DPP10: variants seen among roughly 807,000 people sequenced by gnomAD.
The protein encoded by DPP10 is dipeptidyl peptidase like 10.
Under a neutral mutation model 120.9 loss-of-function variants are expected in DPP10, and 33 were observed. The ratio of observed to expected loss-of-function variants is 0.27; its 90% CI spans 0.21 to 0.37. The LOEUF (loss-of-function observed/expected upper bound fraction) is 0.37, where lower values mean the gene tolerates loss of function less well. Among genes scored for constraint, DPP10 ranks in the 10% least tolerant of loss-of-function variants. DPP10 has a pLI of 1.00. For missense variants in DPP10, 816 were observed against 942.8 expected (o/e 0.87, Z 1.76); for synonymous variants, 337 against 326.1 (o/e 1.03, Z -0.36).
intron 21 of DPP10, among the ~76,000 whole-genome samples, chr2:115,817,026 A>T (rs1218176022): frequency 1.3e-5 from 2 of 151,168 alleles, no homozygotes; most frequent in African/African-American, 4.8e-5. Context: ...AGGCGGGAGG[A>T]TCATGAGGTC....
chr2:114,930,864 T>G (rs1696017563), intron 1 of DPP10, among the ~76,000 whole-genome samples: 1 of 152,126 alleles, frequency 6.6e-6, no homozygotes, highest in African/African-American at 2.4e-5. Flanking sequence ...CAACTGGCCC[T>G]CATGGGAACT....
rs191848962 is a variant in DPP10, at chr2:115,531,804, G to C, written c.441+5832G>C. Among the ~76,000 whole-genome samples the C allele has an allele frequency of 2.0e-5, 3 of 152,152 alleles. No individual in the cohort carries two copies. In the East Asian group the frequency reaches 5.8e-4, roughly 29 times the overall value. Reference sequence around the variant, plus strand: ...TTGCTGTTCTCCATTCTGTTACTACGAGCCACAAGGGAGAACACTGTCTAC... The same window carrying C: ...TTGCTGTTCTCCATTCTGTTACTACCAGCCACAAGGGAGAACACTGTCTAC... On this transcript the variant is annotated intron_variant, in intron 5 of 25. Coordinates refer to ENST00000410059, the MANE Select transcript of DPP10 (RefSeq NM_020868.6).
In DPP10 at chr2:115,144,600, G is replaced by T. The variant is rs375863614; in HGVS notation, c.61-164639G>T. Among the ~76,000 whole-genome samples, 17 of 143,844 alleles carry T rather than the reference G, an allele frequency of 1.2e-4. No homozygotes were observed. In the Admixed American group the frequency reaches 1.2e-3, roughly 10 times the overall value. The allele number at this position is 143,844 out of a possible 152,430, so 94.4% of individuals were successfully genotyped here. On this transcript the variant is annotated intron_variant, in intron 1 of 25. Coordinates refer to ENST00000410059, the MANE Select transcript of DPP10 (RefSeq NM_020868.6). ...TAAAACCTTTCCTCTTCACTCATAGGTGGGAATTGAACAATGAGAACACAT... is the reference window on the plus strand; with the variant it reads ...TAAAACCTTTCCTCTTCACTCATAGTTGGGAATTGAACAATGAGAACACAT...
chr2:115,414,908 G>C (rs1319063472), intron 3 of DPP10, among the ~76,000 whole-genome samples: 4 of 152,136 alleles, frequency 2.6e-5, no homozygotes, highest in Admixed American at 2.0e-4. Context: ...AAGCACTACT[G>C]TTGACCCCAA....
chr2:115,431,525 G>C (rs2070982256), intron 3 of DPP10, among the ~76,000 whole-genome samples: 1 of 152,040 alleles, frequency 6.6e-6, no homozygotes, highest in Non-Finnish European at 1.5e-5. Flanking sequence ...ACAGCATTCT[G>C]CCTAAAGCCA....
rs1444930636 is a variant in DPP10, at chr2:114,636,100, A to C, written c.60+193262A>C. Among the ~76,000 whole-genome samples the C allele has an allele frequency of 2.0e-5, 3 of 151,960 alleles. No individual in the cohort carries two copies. The East Asian group carries it at 5.8e-4, about 29-fold the overall frequency. On this transcript the variant is annotated intron_variant, in intron 1 of 25. Coordinates refer to ENST00000410059, the MANE Select transcript of DPP10 (RefSeq NM_020868.6). ...AGTGTCTGCTGAGTACTTGAGTCTA[A>C]CCATAGTTTATTAGTCATTCTTTCA...
intron 5 of DPP10, among the ~76,000 whole-genome samples, chr2:115,662,639 G>T (rs2089095577): frequency 6.6e-6 from 1 of 152,116 alleles, no homozygotes; most frequent in Non-Finnish European, 1.5e-5. Context: ...AAAGGTAAGT[G>T]TTAGCAAGGA....
chr2:114,857,059 A>G (rs1392257705), intron 1 of DPP10, among the ~76,000 whole-genome samples: 1 of 152,232 alleles, frequency 6.6e-6, no homozygotes. Context: ...CAGAGGTAAC[A>G]GTTCAGATCT....
intron 1 of DPP10, among the ~76,000 whole-genome samples, chr2:114,631,240 A>C (rs1358361734): frequency 6.6e-6 from 1 of 152,054 alleles, no homozygotes; most frequent in African/African-American, 2.4e-5. Context: ...GGAAGAGGTC[A>C]TTTGCCAGCT....
At chr2:114,517,280 G>T (rs911202572) in intron 1 of DPP10, among the ~76,000 whole-genome samples, 1 of 152,164 alleles carries the variant, frequency 6.6e-6, no homozygotes, top group African/African-American at 2.4e-5. Context: ...CAACACTTTG[G>T]GAGGCCGAGG....
chr2:114,903,365 G>C (rs964308464), intron 1 of DPP10, among the ~76,000 whole-genome samples: 1 of 152,132 alleles, frequency 6.6e-6, no homozygotes, highest in African/African-American at 2.4e-5. Context: ...TTACCAAACT[G>C]TTTTCCAAAG....
chr2:114,989,014 G>C (rs1700598710), intron 1 of DPP10, among the ~76,000 whole-genome samples: 1 of 152,030 alleles, frequency 6.6e-6, no homozygotes, highest in African/African-American at 2.4e-5. Flanking sequence ...AATTACTATA[G>C]AGTGGTACAA....
intron 3 of DPP10, among the ~76,000 whole-genome samples, chr2:115,361,486 A>G (rs2064762444): frequency 6.6e-6 from 1 of 152,118 alleles, no homozygotes; most frequent in East Asian, 1.9e-4. Context: ...TGCAGACCAG[A>G]CATGCCCCTT....
intron 1 of DPP10, among the ~76,000 whole-genome samples, chr2:114,705,625 A>G (rs1700640698): frequency 6.6e-6 from 1 of 152,126 alleles, no homozygotes; most frequent in Non-Finnish European, 1.5e-5. Context: ...GGTTGGAAAA[A>G]AACTAGAAAA....
chr2:115,182,501 T>C (rs1195227925), intron 1 of DPP10, among the ~76,000 whole-genome samples: 1 of 152,220 alleles, frequency 6.6e-6, no homozygotes, highest in Non-Finnish European at 1.5e-5. Flanking sequence ...AGGAATATAA[T>C]ATAATTCTCT....
chr2:115,815,096 C>A, intron 20 of DPP10, 109 bp downstream of exon 20: 4 of 1,106,572 alleles, frequency 3.6e-6, no homozygotes, highest in South Asian at 3.1e-5. Flanking sequence ...AGTGATTGAG[C>A]AATTTTGTAA....
At chr2:115,384,975 A>G (rs770928084) in intron 3 of DPP10, among the ~76,000 whole-genome samples, 1 of 152,178 alleles carries the variant, frequency 6.6e-6, no homozygotes, top group African/African-American at 2.4e-5. Context: ...AAGATCTGAT[A>G]GGTTCATCAG....
At chr2:114,509,986 G>C (rs139772814) in intron 1 of DPP10, among the ~76,000 whole-genome samples, 1 of 151,974 alleles carries the variant, frequency 6.6e-6, no homozygotes, top group Non-Finnish European at 1.5e-5. Flanking sequence ...AATCGTGGTG[G>C]GAAAGACTTC....
Position 115,774,455 on chromosome 2 carries a change from G to A in DPP10, c.1222-2753G>A, listed in dbSNP as rs182150769. On this transcript the variant is annotated intron_variant, in intron 13 of 25. Coordinates refer to ENST00000410059, the MANE Select transcript of DPP10 (RefSeq NM_020868.6). ...CAAAGCAGGGCCTGGAAACAAGAAA[G>A]AGGAGCTATCCACTGAGTTATTTGC... is the stretch of plus-strand genomic sequence containing the variant. Among the ~76,000 whole-genome samples, 3 of 152,162 alleles carry A rather than the reference G, an allele frequency of 2.0e-5. No individual in the cohort carries two copies. In the East Asian group the frequency reaches 5.8e-4, roughly 29 times the overall value.
Sources: gnomAD v4.1 joint callset for allele counts (sites outside exome capture counted in the v4.1 genomes callset) on GRCh38, gnomAD v4.1.1 for gene constraint, MANE v1.5 for transcripts, NCBI Gene and HGNC (gene_info 2026-07-23, HGNC 2026-07-21) for gene names.